The following NVL variants were observed in gnomAD, a reference collection of about 807,000 sequenced individuals.
NVL encodes nuclear VCP like.
In NVL, 84 loss-of-function variants were observed where a neutral mutation model predicts 110.2. The ratio of observed to expected loss-of-function variants is 0.76; its 90% CI spans 0.64 to 0.91. The LOEUF is 0.91. Among genes scored for constraint, NVL ranks in the 40% least tolerant of loss-of-function variants. The pLI, the probability that NVL is intolerant of heterozygous loss-of-function variation, is 0.00. For missense variants in NVL, 882 were observed against 1,035.9 expected (o/e 0.85, Z 2.04); for synonymous variants, 354 against 361.1 (o/e 0.98, Z 0.22).
At chr1:224,302,912 G>C (rs141964014) in intron 9 of NVL, 182 of 321,142 alleles carry the variant, frequency 5.7e-4, no homozygotes, top group African/African-American at 3.9e-3. Context: ...AGCTGGGCGT[G>C]GTGGTATGTG....
chr1:224,269,177 T>A (rs1465035957), intron 17 of NVL, among the ~76,000 whole-genome samples: 1 of 146,946 alleles, frequency 6.8e-6, no homozygotes, highest in East Asian at 2.0e-4. Context: ...AGCCTTCCCC[T>A]CCTGGGCTCA....
chr1:224,289,102 C>G (rs1462504546), intron 13 of NVL: 1 of 181,068 alleles, frequency 5.5e-6, no homozygotes, highest in Non-Finnish European at 1.2e-5. Flanking sequence ...GGGCCACGGT[C>G]TCTGCTGCAG....
At chr1:224,275,568 C>T (rs1665685331) in intron 16 of NVL, 110 bp from the exon 17 acceptor site, 1 of 1,383,384 alleles carries the variant, frequency 7.2e-7, no homozygotes, top group South Asian at 1.3e-5. Context: ...GTGTCAAAGT[C>T]CAGAAAGTAT....
At chr1:224,327,404 C>T (rs991602502) in intron 1 of NVL, among the ~76,000 whole-genome samples, 4 of 152,078 alleles carry the variant, frequency 2.6e-5, no homozygotes, top group African/African-American at 9.7e-5. Context: ...GTTCACACCA[C>T]TGCACTCCAG....
In NVL at chr1:224,253,748, AG is replaced by A. The variant is rs201567247; in HGVS notation, c.2183-3431del. On this transcript the variant is annotated intron_variant, in intron 18 of 22. Coordinates refer to ENST00000281701, the MANE Select transcript of NVL (RefSeq NM_002533.4). ...CTCGGTCTCAAAAAAAAAAAAAAAAAGAAAAGAAAAAAAGAAATTGCCAAAC... is the reference window on the plus strand; with the variant it reads ...CTCGGTCTCAAAAAAAAAAAAAAAAAAAAAGAAAAAAAGAAATTGCCAAAC... Among the ~76,000 whole-genome samples the A allele has an allele frequency of 9.5e-3, 1,383 of 145,596 alleles. 73 individuals are homozygous for A. Among genetic ancestry groups the A allele is most frequent in the African/African-American group, 0.018 (716 of 39,994 alleles).
chr1:224,232,355 AAAAT>A (rs890135246), intron 21 of NVL, among the ~76,000 whole-genome samples: 20 of 151,874 alleles, frequency 1.3e-4, no homozygotes, highest in Admixed American at 5.2e-4. Flanking sequence ...TGTCTCAAAA[AAAAT>A]AAATAAATAA....
intron 19 of NVL, among the ~76,000 whole-genome samples, chr1:224,238,270 C>T (rs574179889): frequency 8.4e-4 from 128 of 152,200 alleles, no homozygotes; most frequent in African/African-American, 3.0e-3. Flanking sequence ...TCAGCTCAAG[C>T]GATCTGCCCG....
Position 224,296,536 on chromosome 1 carries a change from C to T in NVL, c.1145G>A (p.Arg382Gln). The change falls in exon 11 of 23, where the codon CGA becomes CAA. Residue 382 changes from arginine (R) to glutamine (Q), a missense_variant. Around this residue, in one of 4 missense-constraint regions of NVL, gnomAD observed 416 missense variants for 499.3 expected, o/e 0.83. Coordinates refer to ENST00000281701, the MANE Select transcript of NVL (RefSeq NM_002533.4). Reference sequence around the variant, plus strand: ...GGTTAGGAGTTGGGCTACAATTCTTCGTTCCATATCTTTTGAAGCCACTTC... The same window carrying T: ...GGTTAGGAGTTGGGCTACAATTCTTTGTTCCATATCTTTTGAAGCCACTTC... ...KREVASKDME[R>Q]RIVAQLLTCM... 6.2e-7 allele frequency: 1 copy of T among 1,606,480 alleles called. No individual in the cohort carries two copies. Among genetic ancestry groups the T allele is most frequent in the Non-Finnish European group, 8.5e-7 (1 of 1,176,054 alleles).
intron 2 of NVL, among the ~76,000 whole-genome samples, chr1:224,321,304 G>T (rs1174486448): frequency 6.6e-6 from 1 of 152,102 alleles, no homozygotes; most frequent in African/African-American, 2.4e-5. Context: ...AGACGTAAAA[G>T]CGATTCTTCA....
intron 9 of NVL, chr1:224,301,757 G>A: frequency 5.1e-6 from 1 of 194,428 alleles, no homozygotes; most frequent in Non-Finnish European, 1.0e-5. Flanking sequence ...CTGTGATCAT[G>A]CCACTGCACT....
At position 224,288,994 on chromosome 1, in the gene NVL, A is replaced by G. The variant is rs146517306; in HGVS notation, c.1575+490T>C. On this transcript the variant is annotated intron_variant, in intron 13 of 22. Coordinates refer to ENST00000281701, the MANE Select transcript of NVL (RefSeq NM_002533.4). The stretch of plus-strand genomic sequence containing the variant: ...ACAGACCACTGTAATCTACCTAACC[A>G]AAAGTTAACCAGGAGATATAATTAA... Among the ~76,000 whole-genome samples the G allele has an allele frequency of 1.6e-3, 245 of 152,318 alleles. 1 individual carries two copies. Among genetic ancestry groups the G allele is most frequent in the African/African-American group, 5.7e-3 (235 of 41,572 alleles).
intron 18 of NVL, among the ~76,000 whole-genome samples, chr1:224,258,278 A>G (rs1663524582): frequency 6.6e-6 from 1 of 152,220 alleles, no homozygotes; most frequent in Non-Finnish European, 1.5e-5. Context: ...CAAGCACAAT[A>G]AAAGATGCTC....
At chr1:224,262,075 C>T (rs1300952061) in intron 18 of NVL, among the ~76,000 whole-genome samples, 2 of 151,898 alleles carry the variant, frequency 1.3e-5, no homozygotes, top group East Asian at 3.9e-4. Context: ...AGCATTAATA[C>T]CTCAATAATT....
intron 19 of NVL, among the ~76,000 whole-genome samples, chr1:224,248,396 C>T (rs925928): frequency 0.044 from 6,694 of 152,170 alleles, 642 homozygotes; most frequent in East Asian, 0.41. Context: ...TTACTGGCTT[C>T]CAAGCTATTT....
At chr1:224,266,809 T>C (rs1048203200) in intron 18 of NVL, among the ~76,000 whole-genome samples, 7 of 152,216 alleles carry the variant, frequency 4.6e-5, no homozygotes, top group Admixed American at 1.3e-4. Flanking sequence ...TGATAACAAT[T>C]ACTAAATAGC....
intron 4 of NVL, among the ~76,000 whole-genome samples, chr1:224,317,213 A>G (rs2102765701): frequency 6.6e-6 from 1 of 152,192 alleles, no homozygotes; most frequent in South Asian, 2.1e-4. Flanking sequence ...TTAAACTCTC[A>G]ATACTATTTC....
In NVL at chr1:224,296,535, T is replaced by C; in HGVS notation, c.1146A>G (p.Arg382=). 1.2e-6 allele frequency: 2 copies of C among 1,607,406 alleles called. No homozygotes were observed. The highest frequency in any genetic ancestry group is 1.7e-6 in the Non-Finnish European group (2 of 1,176,616). ...AGGTTAGGAGTTGGGCTACAATTCTTCGTTCCATATCTTTTGAAGCCACTT... is the reference window on the plus strand; with the variant it reads ...AGGTTAGGAGTTGGGCTACAATTCTCCGTTCCATATCTTTTGAAGCCACTT... ...KREVASKDME[R]RIVAQLLTCM... Residue 382 remains arginine, a synonymous_variant, in exon 11 of 23, where the codon CGA becomes CGG. Transcript: ENST00000281701.
chr1:224,230,055 C>T (rs577553217), intron 22 of NVL, among the ~76,000 whole-genome samples: 1 of 152,260 alleles, frequency 6.6e-6, no homozygotes, highest in African/African-American at 2.4e-5. Flanking sequence ...TGATCTTGAA[C>T]TCCTGGGCTC....
At chr1:224,229,571 A>T (rs1391503476) in intron 22 of NVL, among the ~76,000 whole-genome samples, 1 of 151,736 alleles carries the variant, frequency 6.6e-6, no homozygotes, top group African/African-American at 2.4e-5. Context: ...AGTAGCTGGG[A>T]CTACAGGTGC....
Sources: allele counts gnomAD v4.1 joint callset (sites outside exome capture counted in the v4.1 genomes callset), GRCh38; gene constraint gnomAD v4.1.1; regional missense constraint gnomAD v4.1.1; transcripts MANE v1.5; gene names NCBI Gene and HGNC (gene_info 2026-07-23, HGNC 2026-07-21).